MGAT5B: variants seen among roughly 807,000 people sequenced by gnomAD.
MGAT5B encodes the protein N-acetylglucosaminyl-transferase Vb.
A neutral mutation model predicts 95.1 loss-of-function variants in MGAT5B; 54 were observed. The observed-to-expected ratio is 0.57, with a 90% CI of 0.46 to 0.71. MGAT5B has a LOEUF of 0.71. Ranked by LOEUF, MGAT5B falls within the 30% of genes least tolerant of loss-of-function variation. The pLI is 0.00. For missense variants in MGAT5B, 935 were observed against 1,088.6 expected (o/e 0.86, Z 1.99); for synonymous variants, 464 against 451.0 (o/e 1.03, Z -0.36).
At chr17:76,935,208 C>T (rs1049419347) in intron 12 of MGAT5B, among the ~76,000 whole-genome samples, 1 of 152,182 alleles carries the variant, frequency 6.6e-6, no homozygotes, top group African/African-American at 2.4e-5. Flanking sequence ...GGAAACATTC[C>T]AGGCCCTCAG....
intron 3 of MGAT5B, among the ~76,000 whole-genome samples, chr17:76,895,357 T>C (rs2145167090): frequency 6.6e-6 from 1 of 152,244 alleles, no homozygotes; most frequent in East Asian, 1.9e-4. Flanking sequence ...ACAGTCAATG[T>C]AATATACTTG....
chr17:76,911,883 G>T (rs907311002), intron 8 of MGAT5B, among the ~76,000 whole-genome samples: 2 of 152,228 alleles, frequency 1.3e-5, no homozygotes, highest in Non-Finnish European at 2.9e-5. Context: ...GCGCTGGAGC[G>T]TGCTGCAAGT....
At chr17:76,927,927 T>C (rs1038131719) in intron 10 of MGAT5B, among the ~76,000 whole-genome samples, 3 of 152,256 alleles carry the variant, frequency 2.0e-5, no homozygotes, top group African/African-American at 7.2e-5. Flanking sequence ...CGGACTTGCT[T>C]GTGAGTAAAG....
chr17:76,872,841 C>A lies in MGAT5B; in HGVS notation c.69-10C>A. Reference sequence around the variant, plus strand: ...CCTGCCCTCCTGACCCGCCTCCTTCCTCTCCGCAGGCTTTTTGTCCTGGGC... The same window carrying A: ...CCTGCCCTCCTGACCCGCCTCCTTCATCTCCGCAGGCTTTTTGTCCTGGGC... On this transcript the variant is annotated splice_polypyrimidine_tract_variant and intron_variant, in intron 1 of 17. Coordinates refer to ENST00000569840, the MANE Select transcript of MGAT5B (RefSeq NM_001199172.2). The A allele has an allele frequency of 6.2e-7, 1 of 1,614,236 alleles. No individual in the cohort carries two copies. Among genetic ancestry groups the A allele is most frequent in the Non-Finnish European group, 8.5e-7 (1 of 1,180,044 alleles).
intron 16 of MGAT5B, 148 bp from the exon 17 acceptor site, chr17:76,947,682 A>G: frequency 7.6e-7 from 1 of 1,314,160 alleles, no homozygotes; most frequent in Non-Finnish European, 9.8e-7. Context: ...TGAGAAGTAA[A>G]TGAAATAATG....
rs76833705 is a variant in MGAT5B at position 76,915,726 on chromosome 17, C to G, written c.1026-9240C>G. The stretch of plus-strand genomic sequence containing the variant: ...GGCAGCTCTCCTGCATCACCCTCCC[C>G]GTTCCAAGAGGAGGCACGAGAGGCC... On this transcript the variant is annotated intron_variant, in intron 8 of 17. Coordinates refer to ENST00000569840, the MANE Select transcript of MGAT5B (RefSeq NM_001199172.2). The surrounding 1 kb of genome is among the most constrained non-coding windows in gnomAD (Gnocchi z 8.7). 6.6e-6 allele frequency among the ~76,000 whole-genome samples: 1 copy of G among 152,204 alleles called. No individual in the cohort carries two copies. The highest frequency in any genetic ancestry group is 1.5e-5 in the Non-Finnish European group (1 of 68,032).
intron 3 of MGAT5B, among the ~76,000 whole-genome samples, chr17:76,900,255 C>G (rs1417234966): frequency 6.6e-6 from 1 of 152,160 alleles, no homozygotes; most frequent in Non-Finnish European, 1.5e-5. Flanking sequence ...ACTTTTTGAG[C>G]AAATGAAGCA....
Position 76,916,713 on chromosome 17 carries a change from G to A in MGAT5B, c.1026-8253G>A, listed in dbSNP as rs1203811078. Among the ~76,000 whole-genome samples the A allele has an allele frequency of 2.6e-5, 4 of 152,214 alleles. No individual in the cohort carries two copies. In the East Asian group the frequency reaches 7.7e-4, roughly 29 times the overall value. On this transcript the variant is annotated intron_variant, in intron 8 of 17. Transcript: ENST00000569840. This position sits in a 1 kb window ranked among gnomAD's most constrained non-coding sequence, Gnocchi z 5.3. ...AGGCAGGATTCATCCCTGGGGAGGA[G>A]GCATCAGGGCCTCTGTGAATCTCAG...
intron 10 of MGAT5B, among the ~76,000 whole-genome samples, chr17:76,927,236 ATTTG>A (rs111759987): frequency 0.16 from 24,034 of 151,554 alleles, 1,976 homozygotes; most frequent in Non-Finnish European, 0.19. Context: ...GGCTTCAGCT[ATTTG>A]TTTGTTTGTT....
intron 3 of MGAT5B, among the ~76,000 whole-genome samples, chr17:76,899,848 G>C (rs1968241738): frequency 6.6e-6 from 1 of 151,928 alleles, no homozygotes; most frequent in Non-Finnish European, 1.5e-5. Context: ...TGCCAAAAGG[G>C]AGAACACTGG....
chr17:76,897,177 G>A (rs913709073), intron 3 of MGAT5B, among the ~76,000 whole-genome samples: 4 of 152,096 alleles, frequency 2.6e-5, no homozygotes, highest in East Asian at 3.8e-4. Context: ...TTGCCCTCCC[G>A]AAGTACTGGG....
intron 15 of MGAT5B, chr17:76,944,252 C>A (rs199622416): frequency 2.3e-5 from 3 of 129,190 alleles, no homozygotes; most frequent in Non-Finnish European, 5.2e-5. Context: ...ACGTCGTCGT[C>A]GTCGTTGGCC....
chr17:76,932,827 C>T (rs945110373), intron 11 of MGAT5B, 52 bp downstream of exon 11: 1 of 1,597,618 alleles, frequency 6.3e-7, no homozygotes, highest in Non-Finnish European at 8.5e-7. Context: ...GCACAGGCCC[C>T]CGCCTGGGTC....
intron 8 of MGAT5B, chr17:76,913,902 G>C: frequency 2.4e-6 from 1 of 415,164 alleles, no homozygotes. Flanking sequence ...CTTGATTCCA[G>C]GAGTTGGAGA....
At chr17:76,944,213 C>T (rs1969961265) in intron 15 of MGAT5B, 1 of 150,380 alleles carries the variant, frequency 6.6e-6, no homozygotes, top group Non-Finnish European at 1.5e-5. Flanking sequence ...CAGGCTGGCT[C>T]CTCCGGCAGG....
rs1969747391 is a variant in MGAT5B at position 76,938,491 on chromosome 17, GGGGT to G, written c.1584+351_1584+354del. On this transcript the variant is annotated intron_variant, in intron 13 of 17. Coordinates refer to ENST00000569840, the MANE Select transcript of MGAT5B (RefSeq NM_001199172.2). The surrounding 1 kb of genome is among the most constrained non-coding windows in gnomAD (Gnocchi z 4.3). ...CTAGCTTTTGGAGACACTGAGCTGGGGGGTGGTTGGGTGGGTGGAGAGAAGGGTC... is the reference window on the plus strand; with the variant it reads ...CTAGCTTTTGGAGACACTGAGCTGGGGGTTGGGTGGGTGGAGAGAAGGGTC... 6.6e-6 allele frequency among the ~76,000 whole-genome samples: 1 copy of G among 152,230 alleles called. No individual in the cohort carries two copies. The highest frequency in any genetic ancestry group is 2.4e-5 in the African/African-American group (1 of 41,466).
rs1359939947 is a variant in MGAT5B, at chr17:76,912,034, A to G, written c.1025+5847A>G. ...CTTGTCCTGCAGCTACATCTCTACA[A>G]TCATCTCTGCCTTTGCCTGGTGGCC... On this transcript the variant is annotated intron_variant, in intron 8 of 17. Transcript: ENST00000569840. The surrounding 1 kb of genome is among the most constrained non-coding windows in gnomAD (Gnocchi z 5.0). Among the ~76,000 whole-genome samples, 1 of 152,012 alleles carries G rather than the reference A, an allele frequency of 6.6e-6. No individual in the cohort carries two copies. The highest frequency in any genetic ancestry group is 1.5e-5 in the Non-Finnish European group (1 of 67,982).
intron 2 of MGAT5B, 145 bp downstream of exon 2, chr17:76,873,108 A>T (rs918984028): frequency 1.4e-5 from 12 of 847,046 alleles, no homozygotes; most frequent in Non-Finnish European, 2.2e-5. Context: ...CTTGGGCCGT[A>T]TGACCCTCCA....
At chr17:76,945,989 G>A (rs936202397) in intron 15 of MGAT5B, among the ~76,000 whole-genome samples, 5 of 152,280 alleles carry the variant, frequency 3.3e-5, no homozygotes, top group African/African-American at 9.6e-5. Context: ...CAGGAGTGGG[G>A]GTGGGGCTCA....
Sources: allele counts gnomAD v4.1 joint callset (sites outside exome capture counted in the v4.1 genomes callset), GRCh38; gene constraint gnomAD v4.1.1; non-coding constraint Gnocchi (gnomAD v3.1); transcripts MANE v1.5; gene names NCBI Gene and HGNC (gene_info 2026-07-23, HGNC 2026-07-21).